The following N4BP2L2 variants were observed in gnomAD, a reference collection of about 807,000 sequenced individuals.
N4BP2L2 encodes NEDD4 binding protein 2 like 2.
In N4BP2L2, 50 loss-of-function variants were observed where a neutral mutation model predicts 56.2. That is an observed-to-expected ratio of 0.89 (90% CI 0.71 to 1.13). The LOEUF is 1.13. Among genes scored for constraint, N4BP2L2 ranks in the 50% most tolerant of loss-of-function variants. The pLI, the probability that N4BP2L2 is intolerant of heterozygous loss-of-function variation, is 0.00. For missense variants in N4BP2L2, 689 were observed against 693.8 expected, an observed-to-expected ratio of 0.99 and a Z score of 0.08; for synonymous variants, 203 against 223.6, an observed-to-expected ratio of 0.91 and a Z score of 0.82.
intron 7 of N4BP2L2, among the ~76,000 whole-genome samples, chr13:32,441,480 T>TG (rs1268237872): frequency 6.6e-6 from 1 of 150,382 alleles, no homozygotes; most frequent in African/African-American, 2.5e-5. Flanking sequence ...GGTCAGGAGT[T>TG]GGAGACCAAC....
At chr13:32,454,668 T>G (rs1012347021) in intron 6 of N4BP2L2, among the ~76,000 whole-genome samples, 2 of 152,188 alleles carry the variant, frequency 1.3e-5, no homozygotes, top group Non-Finnish European at 2.9e-5. Flanking sequence ...GAACAATGTC[T>G]CACCAAATAA....
At chr13:32,497,765 A>C (rs1351113069) in intron 6 of N4BP2L2, among the ~76,000 whole-genome samples, 2 of 152,236 alleles carry the variant, frequency 1.3e-5, no homozygotes, top group African/African-American at 4.8e-5. Context: ...CTGAGGCTGC[A>C]TAAGTTATTC....
intron 9 of N4BP2L2, among the ~76,000 whole-genome samples, chr13:32,433,502 G>T (rs552930399): frequency 6.6e-6 from 1 of 152,184 alleles, no homozygotes; most frequent in African/African-American, 2.4e-5. Context: ...TGGGTGTTGT[G>T]GCGGGCTGTA....
intron 6 of N4BP2L2, among the ~76,000 whole-genome samples, chr13:32,451,650 C>T (rs896253861): frequency 1.1e-4 from 16 of 151,310 alleles, no homozygotes; most frequent in African/African-American, 3.9e-4. Flanking sequence ...CAAGCGATCC[C>T]CCTCACCTCA....
intron 6 of N4BP2L2, chr13:32,477,656 AG>A (rs1419096483): frequency 1.8e-5 from 6 of 331,340 alleles, no homozygotes; most frequent in Non-Finnish European, 5.9e-6. Context: ...TGCCAGAAAC[AG>A]GTTGAATGCA....
At chr13:32,503,320 G>A (rs958587926) in intron 6 of N4BP2L2, among the ~76,000 whole-genome samples, 1 of 152,002 alleles carries the variant, frequency 6.6e-6, no homozygotes, top group Non-Finnish European at 1.5e-5. Context: ...ATTTCTGGGG[G>A]TATTCATTCT....
At chr13:32,508,654 AATAT>A (rs1343835306), downstream of N4BP2L2, 2 of 152,212 alleles carry the variant, frequency 1.3e-5, no homozygotes, top group Non-Finnish European at 2.9e-5. Context: ...ATAATGACCC[AATAT>A]ATATTATTTT....
intron 2 of N4BP2L2, among the ~76,000 whole-genome samples, chr13:32,529,439 T>C (rs534156586): frequency 1.3e-5 from 2 of 152,324 alleles, no homozygotes; most frequent in East Asian, 1.9e-4. Flanking sequence ...CAAGCAGCCA[T>C]GATTTATCCA....
At chr13:32,538,655 TA>T in exon 1 of N4BP2L2, 1 of 985,406 alleles carries the variant, frequency 1.0e-6, no homozygotes, top group Non-Finnish European at 1.2e-6. Context: ...TACCTCCCAA[TA>T]AAACCTTCTT....
chr13:32,517,606 T>A, exon 6 of N4BP2L2: 1 of 1,369,942 alleles, frequency 7.3e-7, no homozygotes, highest in Non-Finnish European at 9.4e-7. Flanking sequence ...CAAGAGAATA[T>A]AAAAACATTT....
chr13:32,509,836 C>T (rs1277079249), downstream of N4BP2L2, among the ~76,000 whole-genome samples: 2 of 152,050 alleles, frequency 1.3e-5, no homozygotes, highest in African/African-American at 2.4e-5. Context: ...AACAAAAACT[C>T]CAACTCTAAC....
chr13:32,534,873 C>G (rs1386444388), intron 2 of N4BP2L2, among the ~76,000 whole-genome samples: 1 of 152,148 alleles, frequency 6.6e-6, no homozygotes, highest in East Asian at 1.9e-4. Context: ...GTACTGCTTT[C>G]TTTACACTAT....
At chr13:32,464,151 T>G (rs1388261703) in intron 6 of N4BP2L2, among the ~76,000 whole-genome samples, 1 of 152,182 alleles carries the variant, frequency 6.6e-6, no homozygotes, top group Non-Finnish European at 1.5e-5. Context: ...TCCATACTGA[T>G]GGACCACAAT....
At chr13:32,481,551 T>C (rs2084749893) in intron 6 of N4BP2L2, among the ~76,000 whole-genome samples, 1 of 152,226 alleles carries the variant, frequency 6.6e-6, no homozygotes, top group Non-Finnish European at 1.5e-5. Context: ...TTGAGTAGTA[T>C]ACGTATGTAC....
chr13:32,520,895 A>G (rs1370506740), intron 5 of N4BP2L2, among the ~76,000 whole-genome samples: 3 of 152,280 alleles, frequency 2.0e-5, no homozygotes, highest in African/African-American at 7.2e-5. Flanking sequence ...CTTACTCAGA[A>G]TTGACTTTAC....
intron 6 of N4BP2L2, among the ~76,000 whole-genome samples, chr13:32,486,357 A>T (rs1262340972): frequency 6.6e-6 from 1 of 152,172 alleles, no homozygotes; most frequent in Non-Finnish European, 1.5e-5. Context: ...GAAAATTCAT[A>T]GGGATGTAAT....
At chr13:32,460,674 A>G (rs946740552) in intron 6 of N4BP2L2, among the ~76,000 whole-genome samples, 2 of 152,194 alleles carry the variant, frequency 1.3e-5, no homozygotes, top group African/African-American at 4.8e-5. Context: ...CAACCTACAG[A>G]TTCAATGTAA....
intron 6 of N4BP2L2, among the ~76,000 whole-genome samples, chr13:32,479,452 T>C (rs2084099396): frequency 6.6e-6 from 1 of 151,654 alleles, no homozygotes; most frequent in African/African-American, 2.4e-5. Context: ...TTTTTTTGTT[T>C]TTGTATTTTT....
chr13:32,443,169 C>T lies in N4BP2L2; in HGVS notation c.1323G>A (p.Met441Ile), dbSNP rs373799954. ...AGAGGTTTGTTTCTATGAATGAATC[C>T]ATAGTTTCAGGTGGAGGTGAAAAAT... The change falls in exon 7 of 10, where the codon ATG becomes ATA. Residue 441 changes from methionine (M) to isoleucine (I), a missense_variant. Coordinates refer to the N4BP2L2 transcript ENST00000357505. 1.9e-6 allele frequency: 3 copies of T among 1,613,714 alleles called. No homozygotes were observed. The African/African-American group carries it at 4.0e-5, about 22-fold the overall frequency.
Sources: gnomAD v4.1 joint callset for allele counts (sites outside exome capture counted in the v4.1 genomes callset) on GRCh38, gnomAD v4.1.1 for gene constraint, MANE v1.5 for transcripts, NCBI Gene and HGNC (gene_info 2026-07-23, HGNC 2026-07-21) for gene names.